The following AGBL4 variants were observed in gnomAD, a reference collection of about 807,000 sequenced individuals.
AGBL4 encodes the protein cytosolic carboxypeptidase 6.
AGBL4 carries 58 observed loss-of-function variants against 66.4 expected under a neutral mutation model. That is an observed-to-expected ratio of 0.87 (90% CI 0.71 to 1.09). The LOEUF (loss-of-function observed/expected upper bound fraction) is 1.09. AGBL4 is among the 50% of genes least tolerant of loss of function. The pLI, the probability that AGBL4 is intolerant of heterozygous loss-of-function variation, is 0.00. For synonymous variants in AGBL4, 234 were observed against 222.9 expected, an observed-to-expected ratio of 1.05 and a Z score of -0.44; for missense variants, 579 against 631.0, an observed-to-expected ratio of 0.92 and a Z score of 0.88.
chr1:48,568,369 T>C (rs995860296), intron 11 of AGBL4, among the ~76,000 whole-genome samples: 19 of 152,088 alleles, frequency 1.2e-4, no homozygotes, highest in African/African-American at 3.6e-4. Flanking sequence ...GACCAGAAGA[T>C]AGGGCTTTAG....
At chr1:48,627,740 A>C (rs1174850768) in intron 9 of AGBL4, among the ~76,000 whole-genome samples, 1 of 152,098 alleles carries the variant, frequency 6.6e-6, no homozygotes, top group Non-Finnish European at 1.5e-5. Flanking sequence ...GCAGCTGAGG[A>C]GGGCCTTTCT....
intron 9 of AGBL4, among the ~76,000 whole-genome samples, chr1:48,626,620 C>T (rs1010924982): frequency 6.6e-6 from 1 of 151,494 alleles, no homozygotes; most frequent in Non-Finnish European, 1.5e-5. Context: ...TATGTGTAGA[C>T]AAGGGGGAAA....
intron 12 of AGBL4, among the ~76,000 whole-genome samples, chr1:48,538,500 A>G (rs116305572): frequency 9.1e-4 from 139 of 152,318 alleles, no homozygotes; most frequent in African/African-American, 3.0e-3. Context: ...ACCCATGCTG[A>G]TGAACTTCTA....
chr1:49,167,597 A>G (rs1198560669), intron 4 of AGBL4, among the ~76,000 whole-genome samples: 1 of 152,228 alleles, frequency 6.6e-6, no homozygotes, highest in Non-Finnish European at 1.5e-5. Flanking sequence ...AATGAAAAGG[A>G]GTGGCTATAG....
intron 11 of AGBL4, among the ~76,000 whole-genome samples, chr1:48,543,436 G>T: frequency 6.6e-6 from 1 of 150,970 alleles, no homozygotes; most frequent in East Asian, 1.9e-4. Flanking sequence ...CCATCTACCC[G>T]TCCATCCATC....
intron 4 of AGBL4, among the ~76,000 whole-genome samples, chr1:49,151,289 T>C (rs1285031998): frequency 6.8e-6 from 1 of 146,912 alleles, no homozygotes; most frequent in Non-Finnish European, 1.5e-5. Context: ...AAAATATATA[T>C]ATATATATAT....
In AGBL4 at chr1:49,425,401, A is replaced by G. The variant is rs148370610; in HGVS notation, c.283-179537T>C. Among the ~76,000 whole-genome samples the G allele has an allele frequency of 5.9e-5, 9 of 152,294 alleles. No homozygotes were observed. In the East Asian group the frequency reaches 1.7e-3, roughly 29 times the overall value. On this transcript the variant is annotated intron_variant, in intron 3 of 13. Coordinates refer to ENST00000371839, the MANE Select transcript of AGBL4 (RefSeq NM_032785.4). ...CCAAAAGTGTAGGAAAAATTATTAT[A>G]TAAGTGTTTCAGGAGGTTAATTAAT...
intron 6 of AGBL4, among the ~76,000 whole-genome samples, chr1:48,831,244 C>A (rs115781193): frequency 1.6e-3 from 248 of 152,272 alleles, no homozygotes; most frequent in African/African-American, 5.6e-3. Context: ...CACCTCAGCT[C>A]TCTGGCCCTC....
intron 3 of AGBL4, among the ~76,000 whole-genome samples, chr1:49,528,839 A>G (rs532377400): frequency 6.6e-6 from 1 of 152,240 alleles, no homozygotes; most frequent in South Asian, 2.1e-4. Context: ...TGGTTTATAT[A>G]TAAGAAATTA....
At chr1:48,942,796 ATTAC>A (rs1656120532) in intron 5 of AGBL4, among the ~76,000 whole-genome samples, 1 of 152,198 alleles carries the variant, frequency 6.6e-6, no homozygotes, top group Non-Finnish European at 1.5e-5. Context: ...TCTTGAGCAA[ATTAC>A]TTACTCTCTT....
At chr1:49,159,278 C>A (rs921996826) in intron 4 of AGBL4, among the ~76,000 whole-genome samples, 17 of 152,064 alleles carry the variant, frequency 1.1e-4, no homozygotes, top group Non-Finnish European at 2.1e-4. Context: ...AATCTCTCAG[C>A]ATTTGCTTGT....
rs1557767168 is a variant in AGBL4, at chr1:48,534,120, CA to C, written c.*52del. On this transcript the variant is annotated 3_prime_UTR_variant, in exon 14 of 14. Transcript: ENST00000371839. The stretch of plus-strand genomic sequence containing the variant: ...GAGAAGAGTGATTAATTTCATTCCC[CA>C]GCAGAAAATGCATGCTCCTGTCCCC... The C allele has an allele frequency of 6.4e-7, 1 of 1,550,880 alleles. No homozygotes were observed. Among genetic ancestry groups the C allele is most frequent in the Non-Finnish European group, 8.7e-7 (1 of 1,146,398 alleles).
chr1:49,211,326 A>G (rs1458469613), intron 4 of AGBL4, among the ~76,000 whole-genome samples: 1 of 152,154 alleles, frequency 6.6e-6, no homozygotes, highest in Non-Finnish European at 1.5e-5. Context: ...CAGAATTTTT[A>G]GTAATTGAGT....
At chr1:49,366,355 C>T (rs1394704470) in intron 3 of AGBL4, among the ~76,000 whole-genome samples, 4 of 152,064 alleles carry the variant, frequency 2.6e-5, no homozygotes, top group African/African-American at 9.7e-5. Context: ...GTACCTGGCA[C>T]AATGCCTTCA....
At chr1:48,618,734 C>A (rs145537287) in intron 9 of AGBL4, among the ~76,000 whole-genome samples, 3 of 152,188 alleles carry the variant, frequency 2.0e-5, no homozygotes, top group Non-Finnish European at 4.4e-5. Flanking sequence ...TATTAGCCAG[C>A]CCCTCTTAAG....
intron 2 of AGBL4, among the ~76,000 whole-genome samples, chr1:49,801,479 T>G (rs898312030): frequency 1.3e-5 from 2 of 152,208 alleles, no homozygotes; most frequent in African/African-American, 2.4e-5. Context: ...ACTATGTTTG[T>G]GATTATATTG....
At chr1:49,147,477 A>G (rs992996476) in intron 4 of AGBL4, among the ~76,000 whole-genome samples, 2 of 152,192 alleles carry the variant, frequency 1.3e-5, no homozygotes. Context: ...CAAATTTCCT[A>G]TTCTCATCCC....
intron 5 of AGBL4, among the ~76,000 whole-genome samples, chr1:48,905,936 A>G (rs1652545990): frequency 6.6e-6 from 1 of 152,242 alleles, no homozygotes; most frequent in African/African-American, 2.4e-5. Flanking sequence ...AACTAGGAAT[A>G]TAATGATGAA....
chr1:49,257,119 T>A (rs1329771479), intron 3 of AGBL4, among the ~76,000 whole-genome samples: 8 of 150,102 alleles, frequency 5.3e-5, no homozygotes, highest in African/African-American at 2.0e-4. Context: ...CAAAAAAAAA[T>A]ACTATGCAAA....
Sources: gnomAD v4.1 joint callset for allele counts (sites outside exome capture counted in the v4.1 genomes callset) on GRCh38, gnomAD v4.1.1 for gene constraint, MANE v1.5 for transcripts, NCBI Gene and HGNC (gene_info 2026-07-23, HGNC 2026-07-21) for gene names.